Variants in TRAPPC11 observed in about 807,000 individuals in gnomAD.
TRAPPC11 encodes trafficking protein particle complex subunit 11, also known as foie gras homolog.
TRAPPC11 carries 104 observed loss-of-function variants against 151.2 expected under a neutral mutation model. The observed-to-expected ratio is 0.69, with a 90% confidence interval of 0.59 to 0.81. The LOEUF (loss-of-function observed/expected upper bound fraction) is 0.81, where lower values mean the gene tolerates loss of function less well. TRAPPC11 is among the 30% of genes least tolerant of loss of function. TRAPPC11 has a pLI of 0.00. For synonymous variants in TRAPPC11, 456 were observed against 472.3 expected, an observed-to-expected ratio of 0.97 and a Z score of 0.45; for missense variants, 1,230 against 1,349.6, an observed-to-expected ratio of 0.91 and a Z score of 1.39.
intron 5 of TRAPPC11, among the ~76,000 whole-genome samples, chr4:183,669,446 T>C (rs1284785537): frequency 6.6e-6 from 1 of 152,176 alleles, no homozygotes; most frequent in East Asian, 1.9e-4. Flanking sequence ...CTATTCACAG[T>C]GCTGTTCCTT....
intron 1 of TRAPPC11, among the ~76,000 whole-genome samples, chr4:183,661,923 G>A (rs1172200188): frequency 2.0e-5 from 3 of 151,518 alleles, no homozygotes; most frequent in Non-Finnish European, 2.9e-5. Flanking sequence ...CACCATGCCC[G>A]GCTATTTTCT....
intron 23 of TRAPPC11, among the ~76,000 whole-genome samples, chr4:183,695,141 G>T (rs565936991): frequency 6.6e-6 from 1 of 151,940 alleles, no homozygotes; most frequent in African/African-American, 2.4e-5. Flanking sequence ...GTAGATACGG[G>T]GTTTCTCCAT....
chr4:183,680,275 A>T lies in TRAPPC11; in HGVS notation c.1113+8A>T. 1 of 1,613,750 alleles carries T rather than the reference A, an allele frequency of 6.2e-7. No homozygotes were observed. Among genetic ancestry groups the T allele is most frequent in the South Asian group, 1.1e-5 (1 of 90,980 alleles). ...ACCCTCTGTAACCACGAAGTAAGTT[A>T]CTCACTCCGTATTATCTAGCACATA... On this transcript the variant is annotated splice_region_variant and intron_variant, in intron 10 of 29. Coordinates refer to ENST00000334690, the MANE Select transcript of TRAPPC11 (RefSeq NM_021942.6).
chr4:183,676,849 C>G (rs2111337988), intron 7 of TRAPPC11, among the ~76,000 whole-genome samples: 1 of 152,338 alleles, frequency 6.6e-6, no homozygotes, highest in East Asian at 1.9e-4. Context: ...ACTGCAGTCT[C>G]TGCCTCCTGG....
At position 183,697,840 on chromosome 4, in the gene TRAPPC11, G is replaced by A. The variant is rs373713956; in HGVS notation, c.2851+5G>A. ...TCGAGTCTCAAGTGGACAATGGTGA[G>A]TCTGGTTCATTCCCACTTAAAGACC... On this transcript the variant is annotated splice_donor_5th_base_variant and intron_variant, in intron 25 of 29. Coordinates refer to ENST00000334690, the MANE Select transcript of TRAPPC11 (RefSeq NM_021942.6). The A allele has an allele frequency of 5.6e-5, 91 of 1,612,276 alleles. No individual in the cohort carries two copies. In the African/African-American group the frequency reaches 1.1e-3, roughly 19 times the overall value.
chr4:183,697,430 G>A, intron 23 of TRAPPC11, 73 bp from the exon 24 acceptor site: 1 of 1,354,652 alleles, frequency 7.4e-7, no homozygotes, highest in East Asian at 2.3e-5. Context: ...ATCAGTGATA[G>A]GTTGTGTTTT....
rs1210706178 is a variant in TRAPPC11 at position 183,677,478 on chromosome 4, A to G, written c.755A>G (p.Asn252Ser). 2 of 1,607,380 alleles carry G rather than the reference A, an allele frequency of 1.2e-6. No homozygotes were observed. The highest frequency in any genetic ancestry group is 1.1e-5 in the South Asian group (1 of 90,668). ...NALKNYRTAY[N>S]LVHELRAHET... ...TTTAGGAATTATAGGACCGCCTATA[A>G]TCTTGTACACGAATTGAGAGCCCAT... is the stretch of plus-strand genomic sequence containing the variant. The change falls in exon 8 of 30, where the codon AAT becomes AGT. Residue 252 changes from asparagine (N) to serine (S), a missense_variant. Physicochemically the swap from Asn to Ser is conservative, Grantham distance 46 (BLOSUM62 1). Coordinates refer to ENST00000334690, the MANE Select transcript of TRAPPC11 (RefSeq NM_021942.6).
chr4:183,708,492 C>G lies in TRAPPC11; in HGVS notation c.3275C>G (p.Ser1092Cys). 1 of 1,614,144 alleles carries G rather than the reference C, an allele frequency of 6.2e-7. No individual in the cohort carries two copies. The highest frequency in any genetic ancestry group is 8.5e-7 in the Non-Finnish European group (1 of 1,179,990). The change falls in exon 29 of 30, where the codon TCT (serine) becomes TGT (cysteine). Residue 1092 changes from serine (S) to cysteine (C), a missense_variant. By Grantham distance (112) the Ser-to-Cys change is moderately radical. Transcript: ENST00000334690. ...ATGGCTGGATACCAGCAGCTGCCATCTCTCAACATCAACTTGCTTAGATTT... is the reference window on the plus strand; with the variant it reads ...ATGGCTGGATACCAGCAGCTGCCATGTCTCAACATCAACTTGCTTAGATTT... ...PLMAGYQQLP[S>C]LNINLLRFPN...
chr4:183,680,513 CA>C lies in TRAPPC11; in HGVS notation c.1113+248del, dbSNP rs571754424. 6.6e-5 allele frequency among the ~76,000 whole-genome samples: 10 copies of C among 152,174 alleles called. 1 individual carries two copies. In the East Asian group the frequency reaches 1.7e-3, roughly 26 times the overall value. ...GGCAGTAAGTTAGTGACTATTTAGA[CA>C]AGAGAAAATTACTTTAAAAGCCACA... On this transcript the variant is annotated intron_variant, in intron 10 of 29. Transcript: ENST00000334690.
intron 7 of TRAPPC11, among the ~76,000 whole-genome samples, chr4:183,677,070 G>C (rs899721699): frequency 6.6e-6 from 1 of 152,222 alleles, no homozygotes; most frequent in African/African-American, 2.4e-5. Flanking sequence ...TGGCTGACCT[G>C]TGCTGTCTTG....
At chr4:183,682,893 C>T in intron 11 of TRAPPC11, 68 bp downstream of exon 11, 2 of 1,034,940 alleles carry the variant, frequency 1.9e-6, no homozygotes, top group South Asian at 2.7e-5. Flanking sequence ...AATAGATTTT[C>T]CATTGGCTGC....
intron 17 of TRAPPC11, among the ~76,000 whole-genome samples, chr4:183,686,116 G>A (rs1305004220): frequency 1.3e-5 from 2 of 152,104 alleles, no homozygotes; most frequent in African/African-American, 4.8e-5. Flanking sequence ...GGGATTACAG[G>A]CACGAGCTAC....
intron 24 of TRAPPC11, 43 bp from the exon 25 acceptor site, chr4:183,697,636 T>A: frequency 6.2e-7 from 1 of 1,610,590 alleles, no homozygotes; most frequent in Non-Finnish European, 8.5e-7. Context: ...ATAAAATGGA[T>A]TAAGGTAATT....
intron 28 of TRAPPC11, among the ~76,000 whole-genome samples, chr4:183,707,709 A>T (rs1737144735): frequency 6.6e-6 from 1 of 152,240 alleles, no homozygotes; most frequent in Admixed American, 6.5e-5. Context: ...AGAATTTTAT[A>T]TGAAATATGC....
Position 183,697,783 on chromosome 4 carries a change from G to T in TRAPPC11, c.2799G>T (p.Gln933His). Residue 933 changes from glutamine to histidine, a missense_variant, in exon 25 of 30, where the codon CAG becomes CAT. Physicochemically the swap from Gln to His is conservative, Grantham distance 24. Coordinates refer to ENST00000334690, the MANE Select transcript of TRAPPC11 (RefSeq NM_021942.6). Reference protein sequence around the residue: ...WALTIVSSELQLAPSMTTVDQ... With the variant: ...WALTIVSSELHLAPSMTTVDQ... ...TCACTATTGTTTCCAGTGAGCTCCA[G>T]CTTGCTCCATCCATGACCACAGTGG... The T allele has an allele frequency of 6.2e-7, 1 of 1,613,894 alleles. No homozygotes were observed. Among genetic ancestry groups the T allele is most frequent in the Admixed American group, 1.7e-5 (1 of 60,000 alleles).
At position 183,669,134 on chromosome 4, in the gene TRAPPC11, A is replaced by C. The variant is rs572751403; in HGVS notation, c.560+1017A>C. On this transcript the variant is annotated intron_variant, in intron 5 of 29. Transcript: ENST00000334690. ...ATGAATTGCAAAGAAACTTAAATGC[A>C]ATTAGCAAAATAAATCTTTACACTG... Among the ~76,000 whole-genome samples, 123 of 152,368 alleles carry C rather than the reference A, an allele frequency of 8.1e-4. 1 individual carries two copies. Among genetic ancestry groups the C allele is most frequent in the Non-Finnish European group, 1.5e-3 (105 of 68,042 alleles).
In TRAPPC11 at chr4:183,674,755, C is replaced by T; in HGVS notation, c.603C>T (p.Tyr201=). The T allele has an allele frequency of 6.3e-7, 1 of 1,592,404 alleles. No individual in the cohort carries two copies. The change falls in exon 6 of 30, where the codon TAC becomes TAT. Residue 201 remains tyrosine, a synonymous_variant. Coordinates refer to ENST00000334690, the MANE Select transcript of TRAPPC11 (RefSeq NM_021942.6). ...AFYEHAQTYY[Y]TEIRRVKSHK... ...ATGAACATGCACAGACTTATTACTA[C>T]ACTGAGATCAGAAGAGTGAAATCTC...
intron 1 of TRAPPC11, 111 bp from the exon 2 acceptor site, chr4:183,663,736 G>GTGTTT: frequency 2.6e-6 from 1 of 387,674 alleles, no homozygotes; most frequent in Non-Finnish European, 4.5e-6. Context: ...AATATGAGTT[G>GTGTTT]TTTTTTTTTT....
chr4:183,693,840 G>A, intron 21 of TRAPPC11, 77 bp from the exon 22 acceptor site: 1 of 1,597,572 alleles, frequency 6.3e-7, no homozygotes, highest in Non-Finnish European at 8.6e-7. Flanking sequence ...GTATGGCATA[G>A]TGCTCTTCAC....
Sources: gnomAD v4.1 joint callset for allele counts (sites outside exome capture counted in the v4.1 genomes callset) on GRCh38, gnomAD v4.1.1 for gene constraint, MANE v1.5 for transcripts, NCBI Gene and HGNC (gene_info 2026-07-23, HGNC 2026-07-21) for gene names.